IGSF9B: variants seen among roughly 807,000 people sequenced by gnomAD.
The protein encoded by IGSF9B is protein turtle homolog B.
A neutral mutation model predicts 143.7 loss-of-function variants in IGSF9B; 48 were observed. The observed-to-expected ratio is 0.33, with a 90% confidence interval of 0.26 to 0.42. The LOEUF (loss-of-function observed/expected upper bound fraction) is 0.42. IGSF9B is among the 20% of genes least tolerant of loss of function. The pLI is 1.00. For synonymous variants in IGSF9B, 903 were observed against 833.1 expected (o/e 1.08, Z -1.44); for missense variants, 1,706 against 1,980.0 (o/e 0.86, Z 2.63).
chr11:133,915,268 CTTTTTTTTTT>C (rs33964936), intron 18 of IGSF9B, among the ~76,000 whole-genome samples: 2 of 86,704 alleles, frequency 2.3e-5, no homozygotes, highest in African/African-American at 9.1e-5. Context: ...CTCTCTCTCT[CTTTTTTTTTT>C]TTTTTTTTTT....
intron 3 of IGSF9B, among the ~76,000 whole-genome samples, chr11:133,940,949 C>A (rs1005126910): frequency 2.0e-5 from 3 of 152,230 alleles, no homozygotes; most frequent in Admixed American, 6.5e-5. Flanking sequence ...CAGCCCCTGC[C>A]TGCCCGGCCT....
intron 15 of IGSF9B, 22 bp downstream of exon 15, chr11:133,924,798 G>A (rs779876204): frequency 1.2e-6 from 2 of 1,602,990 alleles, no homozygotes; most frequent in African/African-American, 2.7e-5. Context: ...ATAGTTGCAA[G>A]AGCACCCTCA....
Position 133,903,054 on chromosome 11 carries a change from C to T in IGSF9B, c.*6015G>A, listed in dbSNP as rs1300364362. ...GATTCCCTGCCCCTCCCACCACCTC[C>T]CCATCGTAAACCACGCACATGTTCA... On this transcript the variant is annotated 3_prime_UTR_variant, in exon 20 of 20. Transcript: ENST00000533871. 2.0e-5 allele frequency among the ~76,000 whole-genome samples: 3 copies of T among 152,096 alleles called. No individual in the cohort carries two copies. Among genetic ancestry groups the T allele is most frequent in the Non-Finnish European group, 4.4e-5 (3 of 68,012 alleles).
At position 133,913,875 on chromosome 11, in the gene IGSF9B, C is replaced by A. The variant is rs952288139; in HGVS notation, c.3984-1868G>T. Among the ~76,000 whole-genome samples the A allele has an allele frequency of 6.6e-6, 1 of 152,208 alleles. No individual in the cohort carries two copies. The highest frequency in any genetic ancestry group is 1.5e-5 in the Non-Finnish European group (1 of 68,032). ...GTTAATGTGAATCCACCTGTTCAGTCGATCTCTGTCTCCTGGCCGGCCTCT... is the reference window on the plus strand; with the variant it reads ...GTTAATGTGAATCCACCTGTTCAGTAGATCTCTGTCTCCTGGCCGGCCTCT... On this transcript the variant is annotated intron_variant, in intron 18 of 19. Coordinates refer to ENST00000533871, the MANE Select transcript of IGSF9B (RefSeq NM_001277285.4). This position sits in a 1 kb window ranked among gnomAD's most constrained non-coding sequence, Gnocchi z 4.6.
At chr11:133,914,400 T>C (rs748234964) in intron 18 of IGSF9B, among the ~76,000 whole-genome samples, 1 of 152,184 alleles carries the variant, frequency 6.6e-6, no homozygotes, top group Non-Finnish European at 1.5e-5. Flanking sequence ...CCGCCACACC[T>C]GAGAAATAGA....
chr11:133,931,956 G>C lies in IGSF9B; in HGVS notation c.1110+115C>G, dbSNP rs1939739156. ...CCCCTACAGAAGCAGCTCTCTGTTT[G>C]CCCAGGGCTTTTGGAAGGGGCCAGG... On this transcript the variant is annotated intron_variant, in intron 8 of 19. Transcript: ENST00000533871. This position sits in a 1 kb window ranked among gnomAD's most constrained non-coding sequence, Gnocchi z 7.7. 2 of 1,496,910 alleles carry C rather than the reference G, an allele frequency of 1.3e-6. No individual in the cohort carries two copies. The highest frequency in any genetic ancestry group is 1.4e-5 in the African/African-American group (1 of 71,220). 92.7% of individuals were successfully genotyped at this position (1,496,910 alleles called of 1,614,324 possible).
At chr11:133,917,684 A>AC (rs1224126810) in intron 18 of IGSF9B, among the ~76,000 whole-genome samples, 1 of 152,058 alleles carries the variant, frequency 6.6e-6, no homozygotes, top group Non-Finnish European at 1.5e-5. Context: ...CCTGCAGAGG[A>AC]CCCCACTGTC....
Position 133,909,275 on chromosome 11 carries a change from C to T in IGSF9B, c.4108G>A (p.Asp1370Asn), listed in dbSNP as rs1314015199. 2 of 1,535,436 alleles carry T rather than the reference C, an allele frequency of 1.3e-6. No homozygotes were observed. Among genetic ancestry groups the T allele is most frequent in the Middle Eastern group, 1.7e-4 (1 of 5,998 alleles). The change falls in exon 20 of 20, where the codon GAT (aspartate) becomes AAT (asparagine). Residue 1370 changes from aspartate (D) to asparagine (N), a missense_variant and splice_region_variant. Physicochemically the swap from Asp to Asn is conservative, Grantham distance 23 (BLOSUM62 1). Around this residue, in one of 7 missense-constraint regions of IGSF9B, gnomAD observed 880 missense variants for 762.9 expected, o/e 1.15. Transcript: ENST00000533871. This position sits in a 1 kb window ranked among gnomAD's most constrained non-coding sequence, Gnocchi z 4.2. ...GSSKSKKRSD[D>N]SASQTQQLPN... The stretch of plus-strand genomic sequence containing the variant: ...AGCTGCTGAGTCTGGGAGGCAGAAT[C>T]GTCTAGGAAGAAAGGAAGAGGGACG...
intron 1 of IGSF9B, among the ~76,000 whole-genome samples, chr11:133,954,174 T>C (rs1940210782): frequency 6.6e-6 from 1 of 152,218 alleles, no homozygotes; most frequent in Non-Finnish European, 1.5e-5. Flanking sequence ...TGGCTGGTGC[T>C]GCTCACACGA....
At position 133,931,664 on chromosome 11, in the gene IGSF9B, A is replaced by G. The variant is rs1275098313; in HGVS notation, c.1242T>C (p.Leu414=). Residue 414 remains leucine (L), a synonymous_variant, in exon 9 of 20, where the codon CTT becomes CTC. Coordinates refer to ENST00000533871, the MANE Select transcript of IGSF9B (RefSeq NM_001277285.4). This position sits in a 1 kb window ranked among gnomAD's most constrained non-coding sequence, Gnocchi z 7.7. Reference sequence around the variant, plus strand: ...AGCCCTGGGACCTCACCTTCAGGACAAGCCTCGCAGGGGCAGACTGGCCCA... The same window carrying G: ...AGCCCTGGGACCTCACCTTCAGGACGAGCCTCGCAGGGGCAGACTGGCCCA... ...GTMGQSAPAR[L]VLKDPPYFTV... is the part of the protein sequence containing the mutation. The G allele has an allele frequency of 2.5e-6, 4 of 1,609,268 alleles. No homozygotes were observed. The highest frequency in any genetic ancestry group is 2.2e-5 in the East Asian group (1 of 44,806).
intron 16 of IGSF9B, 107 bp downstream of exon 16, chr11:133,922,462 A>G (rs1239807219): frequency 1.7e-6 from 2 of 1,156,510 alleles, no homozygotes; most frequent in Non-Finnish European, 2.5e-6. Flanking sequence ...ACAAGATCTC[A>G]ATGTCCCTAT....
Position 133,908,345 on chromosome 11 carries a change from G to A in IGSF9B, c.*724C>T, listed in dbSNP as rs1939242446. On this transcript the variant is annotated 3_prime_UTR_variant, in exon 20 of 20. Coordinates refer to ENST00000533871, the MANE Select transcript of IGSF9B (RefSeq NM_001277285.4). Reference sequence around the variant, plus strand: ...CATTACTGAACCCCCATAGAAGGCAGCCGGTAATCACAGCAAGGCCCCATT... The same window carrying A: ...CATTACTGAACCCCCATAGAAGGCAACCGGTAATCACAGCAAGGCCCCATT... Among the ~76,000 whole-genome samples, 1 of 152,096 alleles carries A rather than the reference G, an allele frequency of 6.6e-6. No individual in the cohort carries two copies. Among genetic ancestry groups the A allele is most frequent in the East Asian group, 1.9e-4 (1 of 5,172 alleles).
intron 1 of IGSF9B, among the ~76,000 whole-genome samples, chr11:133,950,447 C>T (rs1165078533): frequency 6.6e-6 from 1 of 152,174 alleles, no homozygotes; most frequent in Non-Finnish European, 1.5e-5. Flanking sequence ...AATGAGCAAA[C>T]GGGGAGTTGC....
In IGSF9B at chr11:133,920,388, C is replaced by T. The variant is rs773204076; in HGVS notation, c.3337G>A (p.Val1113Ile). 44 of 1,601,790 alleles carry T rather than the reference C, an allele frequency of 2.7e-5. No individual in the cohort carries two copies. Among genetic ancestry groups the T allele is most frequent in the Non-Finnish European group, 3.6e-5 (42 of 1,174,988 alleles). The change falls in exon 18 of 20, where the codon GTC becomes ATC. Residue 1113 changes from valine (V) to isoleucine (I), a missense_variant. Transcript: ENST00000533871. Reference protein sequence around the residue: ...WAGKSPGRGPVPAPPAAKWQD... With the variant: ...WAGKSPGRGPIPAPPAAKWQD... ...CACTTGGCGGCGGGGGGCGCTGGGA[C>T]AGGGCCCCTGCCGGGCGACTTGCCT...
At position 133,919,733 on chromosome 11, in the gene IGSF9B, C is replaced by T. The variant is rs752095549; in HGVS notation, c.3983+9G>A. On this transcript the variant is annotated intron_variant, in intron 18 of 19. Transcript: ENST00000533871. ...CAGGTGCGGGTGGCGGAAGAGGCGG[C>T]GCACTCACCCTGAAGTAGGTAACGT... 16 of 1,400,366 alleles carry T rather than the reference C, an allele frequency of 1.1e-5. 1 individual carries two copies. The South Asian group carries it at 2.6e-4, about 23-fold the overall frequency. The allele number at this position is 1,400,366 out of a possible 1,614,324, so 86.7% of individuals were successfully genotyped here. A position where few individuals can be genotyped will look rare whatever the true frequency, so the allele number is the denominator to read the frequency against.
Position 133,909,274 on chromosome 11 carries a change from T to C in IGSF9B, c.4109A>G (p.Asp1370Gly). The change falls in exon 20 of 20, where the codon GAT becomes GGT. Residue 1370 changes from aspartate (D) to glycine (G), a missense_variant. Asp to Gly is a moderately conservative substitution (Grantham distance 94). Around this residue, in one of 7 missense-constraint regions of IGSF9B, gnomAD observed 880 missense variants for 762.9 expected, o/e 1.15. Coordinates refer to ENST00000533871, the MANE Select transcript of IGSF9B (RefSeq NM_001277285.4). This position sits in a 1 kb window ranked among gnomAD's most constrained non-coding sequence, Gnocchi z 4.2. Reference protein sequence around the residue: ...GSSKSKKRSDDSASQTQQLPN... With the variant: ...GSSKSKKRSDGSASQTQQLPN... ...AAGCTGCTGAGTCTGGGAGGCAGAA[T>C]CGTCTAGGAAGAAAGGAAGAGGGAC... 1 of 1,535,606 alleles carries C rather than the reference T, an allele frequency of 6.5e-7. No individual in the cohort carries two copies. The highest frequency in any genetic ancestry group is 1.2e-5 in the South Asian group (1 of 84,044).
intron 3 of IGSF9B, among the ~76,000 whole-genome samples, chr11:133,941,494 G>A (rs940761794): frequency 1.3e-5 from 2 of 152,162 alleles, no homozygotes; most frequent in African/African-American, 2.4e-5. Context: ...TGAAAGCAAC[G>A]TAATGCTGGT....
At position 133,944,399 on chromosome 11, in the gene IGSF9B, G is replaced by T. The variant is rs754828232; in HGVS notation, c.263-33C>A. ...AATAGAGCAGACAAAAGCCCCACAG[G>T]CCATCAGGTAAGGACAGCAGCTCCC... On this transcript the variant is annotated intron_variant, in intron 2 of 19. Coordinates refer to ENST00000533871, the MANE Select transcript of IGSF9B (RefSeq NM_001277285.4). The T allele has an allele frequency of 2.5e-6, 4 of 1,610,038 alleles. No homozygotes were observed. In the Admixed American group the frequency reaches 6.7e-5, roughly 27 times the overall value.
rs1347757081 is a variant in IGSF9B, at chr11:133,935,234, G to A, written c.967+383C>T. Among the ~76,000 whole-genome samples, 3 of 152,190 alleles carry A rather than the reference G, an allele frequency of 2.0e-5. No homozygotes were observed. In the East Asian group the frequency reaches 5.8e-4, roughly 29 times the overall value. On this transcript the variant is annotated intron_variant, in intron 7 of 19. Coordinates refer to ENST00000533871, the MANE Select transcript of IGSF9B (RefSeq NM_001277285.4). ...AGAAACCTAACCCTGCATGGGCCTG[G>A]GCTATGCTCCATAAGACACCTGAGA... is the stretch of plus-strand genomic sequence containing the variant.
Sources: allele counts gnomAD v4.1 joint callset (sites outside exome capture counted in the v4.1 genomes callset), GRCh38; gene constraint gnomAD v4.1.1; regional missense constraint gnomAD v4.1.1; non-coding constraint Gnocchi (gnomAD v3.1); transcripts MANE v1.5; gene names NCBI Gene and HGNC (gene_info 2026-07-23, HGNC 2026-07-21).